The following HTT variants were observed in gnomAD, a reference collection of about 807,000 sequenced individuals.
HTT encodes huntington disease protein.
HTT carries 104 observed loss-of-function variants against 362.3 expected under a neutral mutation model. That is an observed-to-expected ratio of 0.29 (90% CI 0.24 to 0.34). The LOEUF (loss-of-function observed/expected upper bound fraction) is 0.34, where lower values mean the gene tolerates loss of function less well. Among genes scored for constraint, HTT ranks in the 10% least tolerant of loss-of-function variants. The probability of loss-of-function intolerance (pLI) is 1.00; values close to 1 mark genes in which losing one functional copy is unlikely to be tolerated. For synonymous variants in HTT, 1,577 were observed against 1,548.7 expected (o/e 1.02, Z -0.43); for missense variants, 3,301 against 3,928.6 (o/e 0.84, Z 4.27).
At chr4:3,161,176 G>A (rs185631348) in intron 29 of HTT, among the ~76,000 whole-genome samples, 1 of 152,182 alleles carries the variant, frequency 6.6e-6, no homozygotes, top group African/African-American at 2.4e-5. Context: ...GCGGTGTTTG[G>A]TTTTCTGATC....
rs1386605713 is a variant in HTT, at chr4:3,207,349, C to T, written c.6144C>T (p.Leu2048=). 8.1e-6 allele frequency: 13 copies of T among 1,611,834 alleles called. No individual in the cohort carries two copies. Among genetic ancestry groups the T allele is most frequent in the African/African-American group, 2.7e-5 (2 of 74,880 alleles). The change falls in exon 45 of 67, where the codon CTC becomes CTT. Residue 2048 remains leucine (L), a synonymous_variant. Coordinates refer to ENST00000355072, the MANE Select transcript of HTT (RefSeq NM_001388492.1). ...RIQEYLQSSG[L]AQRHQRLYSL... ...AGGAATACCTTCAGAGCAGCGGGCT[C>T]GCTCAGAGGTAATGCTGGAAACACA...
At position 3,240,050 on chromosome 4, in the gene HTT, C is replaced by T; in HGVS notation, c.9420C>T (p.Thr3140=). The change falls in exon 67 of 67, where the codon ACC becomes ACT. Residue 3140 remains threonine (T), a synonymous_variant. Coordinates refer to ENST00000355072, the MANE Select transcript of HTT (RefSeq NM_001388492.1). ...LTCLRNVHKV[T]TC ...GTTTACGAAATGTCCACAAGGTCACCACCTGCTGAGCGCCATGGTGGGAGA... is the reference window on the plus strand; with the variant it reads ...GTTTACGAAATGTCCACAAGGTCACTACCTGCTGAGCGCCATGGTGGGAGA... 6.3e-7 allele frequency: 1 copy of T among 1,587,090 alleles called. No homozygotes were observed. The highest frequency in any genetic ancestry group is 8.6e-7 in the Non-Finnish European group (1 of 1,165,584).
At position 3,132,706 on chromosome 4, in the gene HTT, T is replaced by C. The variant is rs775415876; in HGVS notation, c.2381T>C (p.Ile794Thr). ...RFHVGDWMGT[I>T]RTLTGNTFSL... ...CACGTGGGAGATTGGATGGGCACCA[T>C]TAGAACCCTCACAGGTAACGGCCAG... is the stretch of plus-strand genomic sequence containing the variant. Residue 794 changes from isoleucine to threonine, a missense_variant, in exon 17 of 67, where the codon ATT (isoleucine) becomes ACT (threonine). This residue lies in a region of HTT where 2,316 missense variants were observed against 2,658.5 expected (regional missense o/e 0.87). Transcript: ENST00000355072. 1.2e-6 allele frequency: 2 copies of C among 1,614,234 alleles called. No individual in the cohort carries two copies. The highest frequency in any genetic ancestry group is 8.5e-7 in the Non-Finnish European group (1 of 1,180,024).
At chr4:3,186,765 C>A in intron 38 of HTT, 46 bp downstream of exon 38, 2 of 1,586,950 alleles carry the variant, frequency 1.3e-6, no homozygotes, top group South Asian at 1.1e-5. Context: ...ACGGCTTGTT[C>A]AGGCTCTGAT....
chr4:3,120,203 TA>T (rs1287337648), intron 8 of HTT, among the ~76,000 whole-genome samples: 1 of 152,132 alleles, frequency 6.6e-6, no homozygotes, highest in Non-Finnish European at 1.5e-5. Context: ...AAATAGCAAA[TA>T]AAAATACAGA....
intron 37 of HTT, 64 bp downstream of exon 37, chr4:3,182,534 G>C (rs1718575447): frequency 2.7e-5 from 28 of 1,019,040 alleles, no homozygotes; most frequent in Non-Finnish European, 4.3e-5. Context: ...CTTGTGAAAG[G>C]TGGGTGGCTG....
At position 3,200,021 on chromosome 4, in the gene HTT, C is replaced by T. The variant is rs145457159; in HGVS notation, c.5576+82C>T. ...TCCCAGTAACCTGAGCTTTGGCCAC[C>T]GTTAAAGCATTTTCATTTTCCATTT... is the stretch of plus-strand genomic sequence containing the variant. On this transcript the variant is annotated intron_variant, in intron 41 of 66. Transcript: ENST00000355072. The T allele has an allele frequency of 1.3e-3, 1,452 of 1,125,286 alleles. 5 individuals are homozygous for T. The highest frequency in any genetic ancestry group is 0.01 in the Middle Eastern group (37 of 3,564). The allele number at this position is 1,125,286 out of a possible 1,614,324, so 69.7% of individuals were successfully genotyped here.
At chr4:3,126,019 C>T (rs1213369256) in intron 11 of HTT, among the ~76,000 whole-genome samples, 1 of 151,988 alleles carries the variant, frequency 6.6e-6, no homozygotes, top group East Asian at 1.9e-4. Flanking sequence ...AAAGAATCTG[C>T]CTTTGTTTAC....
intron 22 of HTT, 131 bp from the exon 23 acceptor site, chr4:3,142,634 AG>A (rs1716403328): frequency 4.0e-6 from 2 of 505,328 alleles, no homozygotes; most frequent in East Asian, 6.4e-5. Flanking sequence ...ATTTATTTTC[AG>A]CCCGTTTCAC....
chr4:3,212,088 C>A lies in HTT; in HGVS notation c.6574C>A (p.Pro2192Thr), dbSNP rs769470860. Residue 2192 changes from proline (P) to threonine (T), a missense_variant, in exon 48 of 67, where the codon CCC becomes ACC. Pro to Thr is a conservative substitution (Grantham distance 38). This residue lies in a region of HTT where 220 missense variants were observed against 218.5 expected (regional missense o/e 1.01). Coordinates refer to ENST00000355072, the MANE Select transcript of HTT (RefSeq NM_001388492.1). ...CCCTGCTGTCCATCATGTCTTCCAG[C>A]CCGAGCTGCCTGCAGAGCCGGCGGC... ...QLPAVHHVFQ[P>T]ELPAEPAAYW... The A allele has an allele frequency of 1.3e-5, 21 of 1,613,954 alleles. No homozygotes were observed. Among genetic ancestry groups the A allele is most frequent in the Non-Finnish European group, 1.8e-5 (21 of 1,179,924 alleles).
At chr4:3,236,938 T>C (rs1402088057) in intron 64 of HTT, among the ~76,000 whole-genome samples, 1 of 152,204 alleles carries the variant, frequency 6.6e-6, no homozygotes, top group East Asian at 1.9e-4. Context: ...GCCTGTGCTC[T>C]CCAATCAGGG....
In HTT at chr4:3,127,517, C is replaced by T; in HGVS notation, c.1656C>T (p.Thr552=). The T allele has an allele frequency of 6.2e-7, 1 of 1,614,160 alleles. No homozygotes were observed. Among genetic ancestry groups the T allele is most frequent in the Non-Finnish European group, 8.5e-7 (1 of 1,180,008 alleles). The part of the protein sequence containing the change: ...SDPAMDLNDG[T]QASSPISDSS... ...CTGCCATGGACCTGAATGATGGGAC[C>T]CAGGCCTCGTCGCCCATCAGCGACA... Residue 552 remains threonine, a synonymous_variant, in exon 12 of 67, where the codon ACC becomes ACT. Coordinates refer to ENST00000355072, the MANE Select transcript of HTT (RefSeq NM_001388492.1).
At chr4:3,131,452 C>CACCA in intron 15 of HTT, 55 bp downstream of exon 15, 1 of 1,507,068 alleles carries the variant, frequency 6.6e-7, no homozygotes, top group Non-Finnish European at 9.2e-7. Flanking sequence ...TTTCAGAGGT[C>CACCA]AGCTTGGTGG....
chr4:3,146,899 T>C lies in HTT; in HGVS notation c.3246T>C (p.Asp1082=). ...TLLSSAWFPL[D]LSAHQDALIL... is the part of the protein sequence containing the mutation. ...TCTCGTCAGCTTGGTTCCCATTGGA[T>C]CTCTCAGCCCATCAAGATGCTTTGA... Residue 1082 remains aspartate, a synonymous_variant, in exon 25 of 67, where the codon GAT becomes GAC. Coordinates refer to ENST00000355072, the MANE Select transcript of HTT (RefSeq NM_001388492.1). 1.2e-6 allele frequency: 2 copies of C among 1,614,188 alleles called. No homozygotes were observed. The highest frequency in any genetic ancestry group is 1.7e-6 in the Non-Finnish European group (2 of 1,180,016).
intron 37 of HTT, among the ~76,000 whole-genome samples, 172 bp downstream of exon 37, chr4:3,182,642 C>T (rs1282528686): frequency 2.6e-5 from 4 of 152,140 alleles, no homozygotes; most frequent in African/African-American, 9.7e-5. Flanking sequence ...AATGCCATCT[C>T]AGGTTGGTAT....
rs546979671 is a variant in HTT, at chr4:3,240,119, G to A, written c.*60G>A. On this transcript the variant is annotated 3_prime_UTR_variant, in exon 67 of 67. Transcript: ENST00000355072. ...GGGGCCGGAGCCTTTGGAAGTCTGC[G>A]CCCTTGTGCCCTGCCTCCACCGAGC... 13 of 1,394,242 alleles carry A rather than the reference G, an allele frequency of 9.3e-6. No individual in the cohort carries two copies. The highest frequency in any genetic ancestry group is 5.0e-5 in the East Asian group (2 of 40,348). The allele number at this position is 1,394,242 out of a possible 1,614,324, so 86.4% of individuals were successfully genotyped here.
At chr4:3,076,725 C>G (rs948912604) in intron 1 of HTT, among the ~76,000 whole-genome samples, 1 of 152,170 alleles carries the variant, frequency 6.6e-6, no homozygotes, top group Non-Finnish European at 1.5e-5. Context: ...GACACTTGAT[C>G]ATTCTAAAAA....
At chr4:3,134,680 C>G in intron 19 of HTT, 140 bp downstream of exon 19, 1 of 687,678 alleles carries the variant, frequency 1.5e-6, no homozygotes, top group South Asian at 2.2e-5. Context: ...GTGATTTTCT[C>G]CTCCCAGTGG....
chr4:3,164,262 C>A (rs192511382), intron 29 of HTT, among the ~76,000 whole-genome samples: 11 of 152,304 alleles, frequency 7.2e-5, no homozygotes, highest in African/African-American at 2.6e-4. Context: ...ATCCTGAGTT[C>A]TAATTTGATT....
Sources: allele counts gnomAD v4.1 joint callset (sites outside exome capture counted in the v4.1 genomes callset), GRCh38; gene constraint gnomAD v4.1.1; regional missense constraint gnomAD v4.1.1; transcripts MANE v1.5; gene names NCBI Gene and HGNC (gene_info 2026-07-23, HGNC 2026-07-21).